Variants in BOC observed in about 807,000 individuals in gnomAD.
The protein encoded by BOC is BOC cell adhesion associated, oncogene regulated, also known as brother of CDO.
A neutral mutation model predicts 112.0 loss-of-function variants in BOC; 76 were observed. The ratio of observed to expected loss-of-function variants is 0.68; its 90% CI spans 0.56 to 0.82. The LOEUF is 0.82. BOC is among the 40% of genes least tolerant of loss of function. The probability of loss-of-function intolerance (pLI) is 0.00; values close to 1 mark genes in which losing one functional copy is unlikely to be tolerated. For synonymous variants in BOC, 580 were observed against 599.8 expected (o/e 0.97, Z 0.48); for missense variants, 1,309 against 1,511.7 (o/e 0.87, Z 2.22).
At chr3:113,237,597 A>C (rs1245833475) in intron 2 of BOC, among the ~76,000 whole-genome samples, 1 of 152,212 alleles carries the variant, frequency 6.6e-6, no homozygotes, top group African/African-American at 2.4e-5. Flanking sequence ...ATGGAACCTC[A>C]AGGCACAGGA....
chr3:113,274,653 A>G lies in BOC; in HGVS notation c.1513A>G (p.Ile505Val). 6.2e-7 allele frequency: 1 copy of G among 1,606,152 alleles called. No homozygotes were observed. The highest frequency in any genetic ancestry group is 1.3e-5 in the African/African-American group (1 of 74,914). ...GCATGAGGGCAGTGGCCGGGCGCCA[A>G]TCCTCTACTATGTGGTGAAACACCG... ...PRHEGSGRAP[I>V]LYYVVKHRKQ... Residue 505 changes from isoleucine to valine, a missense_variant, in exon 9 of 20, where the codon ATC becomes GTC. Coordinates refer to ENST00000682979, the MANE Select transcript of BOC (RefSeq NM_001378074.1). The surrounding 1 kb of genome is among the most constrained non-coding windows in gnomAD (Gnocchi z 4.8).
intron 2 of BOC, among the ~76,000 whole-genome samples, chr3:113,222,140 C>T (rs1377347346): frequency 2.0e-5 from 3 of 152,208 alleles, no homozygotes; most frequent in Non-Finnish European, 2.9e-5. Flanking sequence ...ATGTTATCAC[C>T]TCCTGGCTCG....
At chr3:113,244,293 AT>A (rs78090522) in intron 2 of BOC, among the ~76,000 whole-genome samples, 30,002 of 152,068 alleles carry the variant, frequency 0.2, 3,799 homozygotes, top group East Asian at 0.45. Flanking sequence ...GTATAGCAAT[AT>A]TTTTTTCTTC....
At chr3:113,230,277 A>G (rs1942396042) in intron 2 of BOC, among the ~76,000 whole-genome samples, 2 of 152,228 alleles carry the variant, frequency 1.3e-5, no homozygotes, top group African/African-American at 4.8e-5. Context: ...GTGCAAATGC[A>G]TCTTCAGGAG....
chr3:113,255,563 C>T (rs1356883190), intron 4 of BOC, among the ~76,000 whole-genome samples: 2 of 152,186 alleles, frequency 1.3e-5, no homozygotes, highest in African/African-American at 4.8e-5. Context: ...AGGTGGTAAC[C>T]AGGTAGCTAC....
Position 113,285,482 on chromosome 3 carries a change from C to T in BOC, c.3077C>T (p.Pro1026Leu). ...GACTGCTGCCAACGCCAGGAGCAGC[C>T]TGCTGCTGTGGGCCAGTCAGGGGTG... ...HHDCCQRQEQ[P>L]AAVGQSGVRR... The change falls in exon 19 of 20, where the codon CCT becomes CTT. Residue 1026 changes from proline (P) to leucine (L), a missense_variant. Physicochemically the swap from Pro to Leu is moderately conservative, Grantham distance 98. Transcript: ENST00000682979. 2.5e-6 allele frequency: 4 copies of T among 1,614,114 alleles called. No homozygotes were observed. Among genetic ancestry groups the T allele is most frequent in the Non-Finnish European group, 3.4e-6 (4 of 1,179,994 alleles).
chr3:113,279,594 G>C, intron 12 of BOC, 139 bp downstream of exon 12: 3 of 905,468 alleles, frequency 3.3e-6, no homozygotes. Flanking sequence ...TGCTGTCTGT[G>C]GTGTTTACCA....
intron 16 of BOC, 28 bp from the exon 17 acceptor site, chr3:113,284,307 G>C: frequency 6.2e-7 from 1 of 1,601,114 alleles, no homozygotes; most frequent in South Asian, 1.1e-5. Flanking sequence ...CTTGGCCTAA[G>C]CACACCTTTA....
At chr3:113,266,909 T>A (rs1947544656) in intron 4 of BOC, among the ~76,000 whole-genome samples, 1 of 152,182 alleles carries the variant, frequency 6.6e-6, no homozygotes, top group Non-Finnish European at 1.5e-5. Context: ...AGTACCTTAA[T>A]CACCAGGCAC....
chr3:113,242,790 T>C (rs1944463976), intron 2 of BOC, among the ~76,000 whole-genome samples: 1 of 152,126 alleles, frequency 6.6e-6, no homozygotes, highest in Admixed American at 6.5e-5. Context: ...CCAATCTCAG[T>C]GTCCTACCTT....
chr3:113,230,396 T>C (rs905342698), intron 2 of BOC, among the ~76,000 whole-genome samples: 21 of 152,346 alleles, frequency 1.4e-4, no homozygotes, highest in African/African-American at 4.8e-4. Context: ...CCTTTCTTAA[T>C]TCCTTTGTTG....
chr3:113,268,005 C>A (rs1459267318), intron 4 of BOC, among the ~76,000 whole-genome samples: 1 of 152,164 alleles, frequency 6.6e-6, no homozygotes, highest in Non-Finnish European at 1.5e-5. Flanking sequence ...GCCAACTTGC[C>A]CCCACATCTC....
chr3:113,263,253 C>G (rs758468084), intron 4 of BOC, among the ~76,000 whole-genome samples: 10 of 152,184 alleles, frequency 6.6e-5, no homozygotes, highest in Non-Finnish European at 1.2e-4. Context: ...TGCGGTGCCC[C>G]GTGACCTAAT....
At chr3:113,248,371 A>T (rs929749402) in intron 2 of BOC, among the ~76,000 whole-genome samples, 1 of 152,232 alleles carries the variant, frequency 6.6e-6, no homozygotes, top group African/African-American at 2.4e-5. Flanking sequence ...TGAGAAGCTT[A>T]ACTACTTCTG....
At chr3:113,243,156 C>T (rs1016648875) in intron 2 of BOC, among the ~76,000 whole-genome samples, 3 of 152,220 alleles carry the variant, frequency 2.0e-5, no homozygotes, top group African/African-American at 7.2e-5. Context: ...ACTAAATTAA[C>T]TCTCACAAGA....
intron 5 of BOC, chr3:113,270,536 C>G: frequency 2.3e-6 from 1 of 442,396 alleles, no homozygotes; most frequent in Admixed American, 4.0e-5. Flanking sequence ...GACCTATGCA[C>G]TAAGTTGTGG....
chr3:113,265,732 T>G (rs1420972281), intron 4 of BOC, among the ~76,000 whole-genome samples: 1 of 152,196 alleles, frequency 6.6e-6, no homozygotes, highest in Admixed American at 6.5e-5. Context: ...CTAAATAATT[T>G]GTGGGACCAA....
At chr3:113,243,892 G>C (rs1944600645) in intron 2 of BOC, among the ~76,000 whole-genome samples, 1 of 152,230 alleles carries the variant, frequency 6.6e-6, no homozygotes, top group Non-Finnish European at 1.5e-5. Flanking sequence ...AGTTGTTACA[G>C]GAGAATAATC....
intron 2 of BOC, among the ~76,000 whole-genome samples, chr3:113,225,875 C>G (rs1475768409): frequency 1.3e-5 from 2 of 152,190 alleles, no homozygotes; most frequent in African/African-American, 2.4e-5. Flanking sequence ...CCTGGAGAGG[C>G]AGATGATAAA....
Sources: gnomAD v4.1 joint callset for allele counts (sites outside exome capture counted in the v4.1 genomes callset) on GRCh38, gnomAD v4.1.1 for gene constraint, Gnocchi (gnomAD v3.1) non-coding constraint, MANE v1.5 for transcripts, NCBI Gene and HGNC (gene_info 2026-07-23, HGNC 2026-07-21) for gene names.